The following CCDC60 variants were observed in gnomAD, a reference collection of about 807,000 sequenced individuals.
CCDC60 encodes coiled-coil domain-containing protein 60.
In CCDC60, 54 loss-of-function variants were observed where a neutral mutation model predicts 63.5. The ratio of observed to expected loss-of-function variants is 0.85; its 90% CI spans 0.68 to 1.07. The LOEUF is 1.07. CCDC60 is among the 50% of genes least tolerant of loss of function. The pLI, the probability that CCDC60 is intolerant of heterozygous loss-of-function variation, is 0.00. For missense variants in CCDC60, 651 were observed against 684.3 expected, an observed-to-expected ratio of 0.95 and a Z score of 0.54; for synonymous variants, 206 against 238.8, an observed-to-expected ratio of 0.86 and a Z score of 1.27.
Position 119,461,888 on chromosome 12 carries a change from A to G in CCDC60, c.171-10106A>G, listed in dbSNP as rs2136305744. ...ACACGGAATTAAATGAGAATTTGCT[A>G]AAATATTAAGCGTTTTTAAATGGGC... On this transcript the variant is annotated intron_variant, in intron 2 of 13. Transcript: ENST00000327554. 3.3e-5 allele frequency among the ~76,000 whole-genome samples: 5 copies of G among 152,344 alleles called. No homozygotes were observed. In the Middle Eastern group the frequency reaches 0.014, roughly 415 times the overall value.
At position 119,443,031 on chromosome 12, in the gene CCDC60, C is replaced by T. The variant is rs145600327; in HGVS notation, c.170+14269C>T. ...AAAGAGACAGTGTTCATGAAAGTAA[C>T]TCTCCCCCTAAATTTACTGGCAATG... is the stretch of plus-strand genomic sequence containing the variant. On this transcript the variant is annotated intron_variant, in intron 2 of 13. Transcript: ENST00000327554. Among the ~76,000 whole-genome samples the T allele has an allele frequency of 2.6e-3, 401 of 152,294 alleles. 6 individuals carry two copies. The highest frequency in any genetic ancestry group is 3.0e-3 in the Non-Finnish European group (206 of 68,014).
At chr12:119,337,651 C>T (rs1341758400) in intron 1 of CCDC60, among the ~76,000 whole-genome samples, 8 of 152,142 alleles carry the variant, frequency 5.3e-5, no homozygotes, top group South Asian at 4.1e-4. Context: ...AAATGAGACT[C>T]GCCTTCAAGA....
At chr12:119,515,204 GTCA>G (rs1219715866) in intron 7 of CCDC60, among the ~76,000 whole-genome samples, 1 of 152,162 alleles carries the variant, frequency 6.6e-6, no homozygotes, top group East Asian at 1.9e-4. Flanking sequence ...TCCAAATAAG[GTCA>G]TCGACTGAGG....
rs150599262 is a variant in CCDC60 at position 119,417,146 on chromosome 12, AC to A, written c.91-11533del. On this transcript the variant is annotated intron_variant, in intron 1 of 13. Transcript: ENST00000327554. ...AAAAAAAGAAAAAAAGAACATTCCC[AC>A]CCCTCCCCTCATCAAAGTTTAACTC... Among the ~76,000 whole-genome samples the A allele has an allele frequency of 9.8e-3, 1,483 of 151,020 alleles. 24 individuals carry two copies. Among genetic ancestry groups the A allele is most frequent in the African/African-American group, 0.035 (1,429 of 41,188 alleles).
intron 4 of CCDC60, among the ~76,000 whole-genome samples, chr12:119,483,937 C>CT (rs76087374): frequency 0.12 from 16,737 of 141,662 alleles, 1,249 homozygotes; most frequent in Non-Finnish European, 0.17. Flanking sequence ...CTTCTGGGGA[C>CT]TTTTTTTTTT....
intron 4 of CCDC60, among the ~76,000 whole-genome samples, chr12:119,487,505 GC>G (rs1198937078): frequency 6.6e-6 from 1 of 151,932 alleles, no homozygotes; most frequent in Non-Finnish European, 1.5e-5. Flanking sequence ...CACCATGTTG[GC>G]CAGGCTGGTC....
At chr12:119,458,586 T>C (rs940719081) in intron 2 of CCDC60, among the ~76,000 whole-genome samples, 2 of 152,326 alleles carry the variant, frequency 1.3e-5, no homozygotes, top group Admixed American at 1.3e-4. Context: ...GTGAGGTTCC[T>C]GAGAAGAGGG....
chr12:119,466,374 C>G (rs575255370), intron 2 of CCDC60, among the ~76,000 whole-genome samples: 1 of 152,146 alleles, frequency 6.6e-6, no homozygotes, highest in East Asian at 1.9e-4. Context: ...GTGCTTTGTA[C>G]GTAATAAGCA....
rs78899913 is a variant in CCDC60, at chr12:119,389,108, T to C, written c.91-39575T>C. On this transcript the variant is annotated intron_variant, in intron 1 of 13. Transcript: ENST00000327554. ...AGTAGCACCTGTGGCTCTCTGTCTG[T>C]GGTCTGGGGCAGTTCAGAAGGGACA... Among the ~76,000 whole-genome samples the C allele has an allele frequency of 4.2e-3, 646 of 152,310 alleles. 3 individuals carry two copies. Among genetic ancestry groups the C allele is most frequent in the African/African-American group, 0.014 (584 of 41,574 alleles).
chr12:119,536,360 C>T (rs1953007312), intron 13 of CCDC60, among the ~76,000 whole-genome samples: 1 of 152,168 alleles, frequency 6.6e-6, no homozygotes, highest in Non-Finnish European at 1.5e-5. Flanking sequence ...GATCTTGACT[C>T]TTCATCCAAT....
intron 1 of CCDC60, among the ~76,000 whole-genome samples, chr12:119,362,957 G>T (rs913012566): frequency 2.6e-5 from 4 of 152,190 alleles, no homozygotes; most frequent in Non-Finnish European, 4.4e-5. Context: ...AAATTAGCGG[G>T]TGTGGTGGCA....
At chr12:119,363,027 G>T (rs1955806352) in intron 1 of CCDC60, among the ~76,000 whole-genome samples, 1 of 152,204 alleles carries the variant, frequency 6.6e-6, no homozygotes, top group East Asian at 1.9e-4. Flanking sequence ...GAATGCAGAA[G>T]GCAGAGGTTG....
At chr12:119,395,838 T>C (rs1024301519) in intron 1 of CCDC60, among the ~76,000 whole-genome samples, 1 of 152,222 alleles carries the variant, frequency 6.6e-6, no homozygotes, top group Non-Finnish European at 1.5e-5. Flanking sequence ...TCTCCCAGCT[T>C]CTGGTGGCTC....
At position 119,411,539 on chromosome 12, in the gene CCDC60, C is replaced by T. The variant is rs75929890; in HGVS notation, c.91-17144C>T. Among the ~76,000 whole-genome samples the T allele has an allele frequency of 2.3e-3, 353 of 152,252 alleles. 4 individuals carry two copies. The East Asian group carries it at 0.042, about 18-fold the overall frequency. On this transcript the variant is annotated intron_variant, in intron 1 of 13. Transcript: ENST00000327554. ...GAAAAAAATTGTTATGCTTTTCTCT[C>T]ATTAATATGTCTTTTGTTATGGTGA... is the stretch of plus-strand genomic sequence containing the variant.
At chr12:119,508,885 C>T (rs1043100177) in intron 7 of CCDC60, among the ~76,000 whole-genome samples, 7 of 151,824 alleles carry the variant, frequency 4.6e-5, no homozygotes, top group South Asian at 2.1e-4. Flanking sequence ...AAGAGTAGAG[C>T]GATAGCCCAG....
intron 5 of CCDC60, among the ~76,000 whole-genome samples, chr12:119,494,113 C>A (rs1398945587): frequency 6.6e-6 from 1 of 152,106 alleles, no homozygotes; most frequent in Non-Finnish European, 1.5e-5. Context: ...TGGTTGTGAA[C>A]CTGTATTGAT....
intron 1 of CCDC60, among the ~76,000 whole-genome samples, chr12:119,373,584 T>A (rs1369441701): frequency 6.8e-6 from 1 of 146,534 alleles, no homozygotes; most frequent in African/African-American, 2.5e-5. Flanking sequence ...GACTTGAAAC[T>A]GCACTGGTGA....
At chr12:119,473,232 T>A (rs1294869029) in intron 3 of CCDC60, among the ~76,000 whole-genome samples, 1 of 152,150 alleles carries the variant, frequency 6.6e-6, no homozygotes, top group African/African-American at 2.4e-5. Flanking sequence ...TTTGAGCTTG[T>A]GCAGACTGAA....
chr12:119,348,525 T>C (rs981936630), intron 1 of CCDC60, among the ~76,000 whole-genome samples: 3 of 152,196 alleles, frequency 2.0e-5, no homozygotes, highest in African/African-American at 4.8e-5. Context: ...TGAGTCCCAA[T>C]TCTGATGCTG....
Sources: gnomAD v4.1 joint callset for allele counts (sites outside exome capture counted in the v4.1 genomes callset) on GRCh38, gnomAD v4.1.1 for gene constraint, MANE v1.5 for transcripts, NCBI Gene and HGNC (gene_info 2026-07-23, HGNC 2026-07-21) for gene names.